Variants in WIPI2 observed in about 807,000 individuals in gnomAD.
WIPI2 encodes WD repeat domain, phosphoinositide interacting 2, also known as WD repeat domain phosphoinositide-interacting protein 2.
A neutral mutation model predicts 52.3 loss-of-function variants in WIPI2; 28 were observed. The observed-to-expected ratio is 0.54, with a 90% CI of 0.40 to 0.73. The LOEUF (loss-of-function observed/expected upper bound fraction) is 0.73. WIPI2 is among the 30% of genes least tolerant of loss of function. The probability of loss-of-function intolerance (pLI) is 0.00; values close to 1 mark genes in which losing one functional copy is unlikely to be tolerated. For missense variants in WIPI2, 506 were observed against 602.9 expected (o/e 0.84, Z 1.68); for synonymous variants, 268 against 245.0 (o/e 1.09, Z -0.88).
intron 7 of WIPI2, among the ~76,000 whole-genome samples, chr7:5,220,892 C>T (rs1424418831): frequency 6.6e-6 from 1 of 151,844 alleles, no homozygotes; most frequent in Non-Finnish European, 1.5e-5. Flanking sequence ...CTCTGGGGCT[C>T]AAGCGATTCT....
At chr7:5,208,970 A>G (rs1219762588) in intron 3 of WIPI2, among the ~76,000 whole-genome samples, 13 of 142,144 alleles carry the variant, frequency 9.1e-5, no homozygotes, top group Admixed American at 2.1e-4. Flanking sequence ...ATATCTCTTC[A>G]TTTATTTAGC....
At chr7:5,219,147 A>T (rs1410184229) in intron 7 of WIPI2, 1 of 152,042 alleles carries the variant, frequency 6.6e-6, no homozygotes, top group Admixed American at 6.5e-5. Flanking sequence ...TATCTTCATT[A>T]CCTCATTTGT....
At position 5,193,933 on chromosome 7, in the gene WIPI2, T is replaced by C. The variant is rs141556930; in HGVS notation, c.128+762T>C. On this transcript the variant is annotated intron_variant, in intron 2 of 12. Coordinates refer to ENST00000288828, the MANE Select transcript of WIPI2 (RefSeq NM_015610.4). ...AAGTTTTAAGTAATTCTGCCTGCTA[T>C]GCAAAGGATATGTTTGAGGAGGGCA... Among the ~76,000 whole-genome samples the C allele has an allele frequency of 7.6e-3, 1,164 of 152,322 alleles. 6 individuals are homozygous for C. The highest frequency in any genetic ancestry group is 0.014 in the Non-Finnish European group (920 of 68,034).
In WIPI2 at chr7:5,229,660, G is replaced by T. The variant is rs147945082; in HGVS notation, c.1174G>T (p.Asp392Tyr). ...TNEILDSASH[D>Y]CPLVTQTYGA... Reference sequence around the variant, plus strand: ...TGAGATCTTGGACTCTGCCTCTCACGACTGCCCCTTAGTCACTCAGACATA... The same window carrying T: ...TGAGATCTTGGACTCTGCCTCTCACTACTGCCCCTTAGTCACTCAGACATA... The change falls in exon 12 of 13, where the codon GAC (aspartate) becomes TAC (tyrosine). Residue 392 changes from aspartate (D) to tyrosine (Y), a missense_variant. Asp to Tyr is a radical substitution (Grantham distance 160). This residue lies in a region of WIPI2 where 194 missense variants were observed against 175.1 expected (regional missense o/e 1.11). Transcript: ENST00000288828. 6 of 1,613,788 alleles carry T rather than the reference G, an allele frequency of 3.7e-6. No homozygotes were observed. Among genetic ancestry groups the T allele is most frequent in the South Asian group, 1.1e-5 (1 of 91,026 alleles).
chr7:5,201,347 G>A (rs1209620980), intron 3 of WIPI2, among the ~76,000 whole-genome samples: 1 of 152,250 alleles, frequency 6.6e-6, no homozygotes, highest in African/African-American at 2.4e-5. Context: ...CCAAAACCTG[G>A]TCTTTCCTTT....
chr7:5,197,922 C>T (rs147873754), intron 2 of WIPI2, among the ~76,000 whole-genome samples: 8 of 152,270 alleles, frequency 5.3e-5, no homozygotes, highest in Admixed American at 2.0e-4. Context: ...GGACTTGCTT[C>T]TTGTTTTGCT....
chr7:5,225,297 C>T (rs988682818), intron 8 of WIPI2, among the ~76,000 whole-genome samples: 46 of 152,144 alleles, frequency 3.0e-4, no homozygotes, highest in Non-Finnish European at 5.9e-5. Flanking sequence ...CCCGCCACCA[C>T]GCCCAGCTAA....
rs750227791 is a variant in WIPI2, at chr7:5,222,682, G to A, written c.740+10G>A. ...GGAGAGGAGTAAAGAGGTAAAGTAC[G>A]TGAATGTCCAGAATGGATTCTGGAG... On this transcript the variant is annotated intron_variant, in intron 8 of 12. Coordinates refer to ENST00000288828, the MANE Select transcript of WIPI2 (RefSeq NM_015610.4). 9.9e-6 allele frequency: 16 copies of A among 1,611,926 alleles called. No individual in the cohort carries two copies. The highest frequency in any genetic ancestry group is 1.6e-4 in the Middle Eastern group (1 of 6,082).
intron 3 of WIPI2, among the ~76,000 whole-genome samples, chr7:5,206,035 G>T (rs991500480): frequency 1.3e-5 from 2 of 151,728 alleles, no homozygotes; most frequent in Admixed American, 1.3e-4. Context: ...CCTTGTTTAT[G>T]ATTCTTTTCA....
Position 5,216,577 on chromosome 7 carries a change from C to T in WIPI2, c.396C>T (p.Cys132=). 1 of 1,614,172 alleles carries T rather than the reference C, an allele frequency of 6.2e-7. No individual in the cohort carries two copies. Among genetic ancestry groups the T allele is most frequent in the Non-Finnish European group, 8.5e-7 (1 of 1,180,030 alleles). The part of the protein sequence containing the change: ...VKLNRQRLIV[C]LEESLYIHNI... ...CTCTCGCCTAGAGGCTGATAGTATG[C>T]CTGGAGGAGTCCCTGTACATCCACA... Residue 132 remains cysteine, a synonymous_variant, in exon 5 of 13, where the codon TGC becomes TGT. Coordinates refer to ENST00000288828, the MANE Select transcript of WIPI2 (RefSeq NM_015610.4).
intron 2 of WIPI2, among the ~76,000 whole-genome samples, chr7:5,198,200 G>A (rs1781844654): frequency 6.6e-6 from 1 of 152,210 alleles, no homozygotes; most frequent in Non-Finnish European, 1.5e-5. Context: ...GCTCAGCCAT[G>A]GCACAGCACA....
At chr7:5,219,119 G>C (rs564333617) in intron 7 of WIPI2, 1 of 152,314 alleles carries the variant, frequency 6.6e-6, no homozygotes, top group African/African-American at 2.4e-5. Flanking sequence ...TCTGGGTCGT[G>C]AATTATCCTG....
At chr7:5,220,771 C>T (rs1360212468) in intron 7 of WIPI2, among the ~76,000 whole-genome samples, 2 of 151,904 alleles carry the variant, frequency 1.3e-5, no homozygotes, top group Admixed American at 1.3e-4. Flanking sequence ...TTACTGCATT[C>T]AGCTTAGATA....
chr7:5,201,661 A>C (rs1332378417), intron 3 of WIPI2, among the ~76,000 whole-genome samples: 1 of 152,188 alleles, frequency 6.6e-6, no homozygotes, highest in Non-Finnish European at 1.5e-5. Context: ...CACGAGAATC[A>C]CTTGAACCCA....
Position 5,231,490 on chromosome 7 carries a change from GT to G in WIPI2, c.*547del, listed in dbSNP as rs1783722870. 1 of 152,248 alleles carries G rather than the reference GT, an allele frequency of 6.6e-6. No individual in the cohort carries two copies. Among genetic ancestry groups the G allele is most frequent in the Non-Finnish European group, 1.5e-5 (1 of 68,094 alleles). The allele number at this position is 152,248 out of a possible 1,614,324, so 9.4% of individuals were successfully genotyped here. ...GCCCCACCTGGACCATTTTCCCTCC[GT>G]TTTATTTTGTTAATTAAATTCTTTC... On this transcript the variant is annotated 3_prime_UTR_variant, in exon 13 of 13. Coordinates refer to ENST00000288828, the MANE Select transcript of WIPI2 (RefSeq NM_015610.4).
intron 9 of WIPI2, chr7:5,226,233 A>T: frequency 2.9e-6 from 1 of 340,582 alleles, no homozygotes; most frequent in Non-Finnish European, 5.5e-6. Flanking sequence ...GGTTCCCCTC[A>T]CGACAAAAGC....
At position 5,230,400 on chromosome 7, in the gene WIPI2, G is replaced by A. The variant is rs916875804; in HGVS notation, c.1253-435G>A. 6.6e-6 allele frequency among the ~76,000 whole-genome samples: 1 copy of A among 152,170 alleles called. No individual in the cohort carries two copies. Among genetic ancestry groups the A allele is most frequent in the African/African-American group, 2.4e-5 (1 of 41,436 alleles). ...GCCACCTTCTTAAAAAAGCCAACTCGCACTCCAGTGGGAGAGCCTGTGGTT... is the reference window on the plus strand; with the variant it reads ...GCCACCTTCTTAAAAAAGCCAACTCACACTCCAGTGGGAGAGCCTGTGGTT... On this transcript the variant is annotated intron_variant, in intron 12 of 12. Coordinates refer to ENST00000288828, the MANE Select transcript of WIPI2 (RefSeq NM_015610.4). This position sits in a 1 kb window ranked among gnomAD's most constrained non-coding sequence, Gnocchi z 4.8.
rs1783473781 is a variant in WIPI2 at position 5,227,129 on chromosome 7, G to GT, written c.849-50dup. 6.2e-7 allele frequency: 1 copy of GT among 1,605,036 alleles called. No individual in the cohort carries two copies. Among genetic ancestry groups the GT allele is most frequent in the Admixed American group, 1.7e-5 (1 of 58,946 alleles). ...GCGTCTGTGTGAGTAGGGGGTGGCC[G>GT]TCCCCCCAGGGAGGGTGCAGCTTCA... On this transcript the variant is annotated intron_variant, in intron 9 of 12. Coordinates refer to ENST00000288828, the MANE Select transcript of WIPI2 (RefSeq NM_015610.4). The surrounding 1 kb of genome is among the most constrained non-coding windows in gnomAD (Gnocchi z 8.1).
At chr7:5,197,983 C>T (rs1420588502) in intron 2 of WIPI2, among the ~76,000 whole-genome samples, 2 of 152,208 alleles carry the variant, frequency 1.3e-5, no homozygotes, top group African/African-American at 2.4e-5. Flanking sequence ...GAGGAAACCC[C>T]TTCTGTGGTG....
Sources: gnomAD v4.1 joint callset for allele counts (sites outside exome capture counted in the v4.1 genomes callset) on GRCh38, gnomAD v4.1.1 for gene constraint, gnomAD v4.1.1 regional missense constraint, Gnocchi (gnomAD v3.1) non-coding constraint, MANE v1.5 for transcripts, NCBI Gene and HGNC (gene_info 2026-07-23, HGNC 2026-07-21) for gene names.